Variants in PRELID2 observed in about 807,000 individuals in gnomAD.
PRELID2 encodes the protein PRELI domain containing 2, also known as PRELI domain-containing protein 2.
PRELID2 carries 25 observed loss-of-function variants against 28.4 expected under a neutral mutation model. The observed-to-expected ratio is 0.88, with a 90% CI of 0.64 to 1.23. The LOEUF (loss-of-function observed/expected upper bound fraction) is 1.23, where lower values mean the gene tolerates loss of function less well. Among genes scored for constraint, PRELID2 ranks in the 50% most tolerant of loss-of-function variants. PRELID2 has a pLI of 0.00. For synonymous variants in PRELID2, 76 were observed against 71.6 expected (o/e 1.06, Z -0.31); for missense variants, 201 against 214.4 (o/e 0.94, Z 0.39).
At chr5:145,258,491 C>A in the PRELID2 span, among the ~76,000 whole-genome samples, 1 of 152,120 alleles carries the variant, frequency 6.6e-6, no homozygotes, top group African/African-American at 2.4e-5. Context: ...TCACTTTTAT[C>A]ATGCCTTAGC....
intron 1 of PRELID2, among the ~76,000 whole-genome samples, chr5:145,526,901 T>C (rs1752609215): frequency 6.6e-6 from 1 of 152,236 alleles, no homozygotes; most frequent in Non-Finnish European, 1.5e-5. Flanking sequence ...ATAGTAATAG[T>C]TCATCAAAAG....
Position 145,524,875 on chromosome 5 carries a change from C to T in PRELID2, n.71-51560G>A, listed in dbSNP as rs778811343. ...CAAAACAGAAATAATACCTATCTCACGGGTTTACTGTGAGACTAAGTGTCA... is the reference window on the plus strand; with the variant it reads ...CAAAACAGAAATAATACCTATCTCATGGGTTTACTGTGAGACTAAGTGTCA... On this transcript the variant is annotated intron_variant and non_coding_transcript_variant, in intron 1 of 2. Transcript: ENST00000510259. Among the ~76,000 whole-genome samples, 17 of 152,190 alleles carry T rather than the reference C, an allele frequency of 1.1e-4. No individual in the cohort carries two copies. In the South Asian group the frequency reaches 1.2e-3, roughly 11 times the overall value.
intron 1 of PRELID2, among the ~76,000 whole-genome samples, chr5:145,619,814 G>C (rs781638754): frequency 6.6e-6 from 1 of 152,106 alleles, no homozygotes; most frequent in Non-Finnish European, 1.5e-5. Flanking sequence ...TAGGAAAATG[G>C]TCATAAAGCA....
chr5:145,657,762 A>G (rs1754422238), intron 1 of PRELID2, among the ~76,000 whole-genome samples: 1 of 152,162 alleles, frequency 6.6e-6, no homozygotes, highest in Non-Finnish European at 1.5e-5. Context: ...GGACTCCTCA[A>G]ATGTTGACTC....
rs12522722 is a variant in PRELID2 at position 145,547,881 on chromosome 5, T to C, written n.71-74566A>G. Among the ~76,000 whole-genome samples the C allele has an allele frequency of 0.044, 6,667 of 152,272 alleles. 741 individuals carry two copies. The East Asian group carries it at 0.49, about 11-fold the overall frequency. Reference sequence around the variant, plus strand: ...ATCTGCCAAATGCAATGTTCTTTTCTTTTTCAAGACCCTGGAAACATTTTC... The same window carrying C: ...ATCTGCCAAATGCAATGTTCTTTTCCTTTTCAAGACCCTGGAAACATTTTC... On this transcript the variant is annotated intron_variant and non_coding_transcript_variant, in intron 1 of 2. Transcript: ENST00000510259.
chr5:145,749,204 T>A (rs1757069191), intron 1 of PRELID2, among the ~76,000 whole-genome samples: 1 of 152,112 alleles, frequency 6.6e-6, no homozygotes, highest in African/African-American at 2.4e-5. Context: ...TGGGATAAAA[T>A]TTTTGAAATC....
intron 1 of PRELID2, among the ~76,000 whole-genome samples, chr5:145,585,170 C>T (rs13360440): frequency 0.11 from 16,599 of 152,066 alleles, 2,433 homozygotes; most frequent in African/African-American, 0.34. Flanking sequence ...TTATCCTCAG[C>T]AAACTAACAC....
chr5:145,740,752 A>G (rs1221913493), intron 1 of PRELID2, among the ~76,000 whole-genome samples: 1 of 117,774 alleles, frequency 8.5e-6, no homozygotes, highest in Non-Finnish European at 1.6e-5. Flanking sequence ...AATATATTAT[A>G]TATTTATGTA....
chr5:145,832,463 G>C (rs943512843), intron 1 of PRELID2, among the ~76,000 whole-genome samples: 2 of 152,170 alleles, frequency 1.3e-5, no homozygotes, highest in Non-Finnish European at 2.9e-5. Context: ...GGGATTACAG[G>C]AGTGAGCTGC....
the PRELID2 span, among the ~76,000 whole-genome samples, chr5:145,462,352 G>A: frequency 6.6e-6 from 1 of 152,168 alleles, no homozygotes; most frequent in South Asian, 2.1e-4. Flanking sequence ...TATGCATGGG[G>A]AATTCTGAAG....
chr5:145,659,569 A>G (rs955428879), intron 1 of PRELID2, among the ~76,000 whole-genome samples: 1 of 152,208 alleles, frequency 6.6e-6, no homozygotes, highest in Non-Finnish European at 1.5e-5. Flanking sequence ...GGACTCTCCT[A>G]GCTTAGAATG....
the PRELID2 span, among the ~76,000 whole-genome samples, chr5:145,253,433 T>C: frequency 3.9e-5 from 6 of 152,164 alleles, no homozygotes; most frequent in African/African-American, 1.2e-4. Context: ...GTGATATTCC[T>C]AGAGGCCATA....
chr5:145,704,957 C>A (rs1755504841), intron 1 of PRELID2, among the ~76,000 whole-genome samples: 1 of 152,186 alleles, frequency 6.6e-6, no homozygotes. Context: ...AGAAGCCCAG[C>A]TGAGCCCAGG....
the PRELID2 span, chr5:145,229,628 A>T: frequency 9.9e-7 from 1 of 1,010,510 alleles, no homozygotes; most frequent in South Asian, 1.3e-5. Context: ...ATCGTGGAGA[A>T]CATCTTCACC....
In PRELID2 at chr5:145,744,859, A is replaced by G. The variant is rs188519865; in HGVS notation, n.70+20072T>C. On this transcript the variant is annotated intron_variant and non_coding_transcript_variant, in intron 1 of 2. Coordinates refer to the PRELID2 transcript ENST00000510259. The stretch of plus-strand genomic sequence containing the variant: ...AGGGTGCATAATTGGACAGGGGATG[A>G]GATGGAAGAATTGACAGAAGTAGGT... Among the ~76,000 whole-genome samples, 11 of 152,246 alleles carry G rather than the reference A, an allele frequency of 7.2e-5. No individual in the cohort carries two copies. In the East Asian group the frequency reaches 2.1e-3, roughly 29 times the overall value.
chr5:145,352,718 A>C, the PRELID2 span, among the ~76,000 whole-genome samples: 2 of 152,134 alleles, frequency 1.3e-5, no homozygotes, highest in Non-Finnish European at 2.9e-5. Flanking sequence ...CAAATTTTCC[A>C]AACTTTTATG....
In PRELID2 at chr5:145,582,349, G is replaced by A. The variant is rs115292221; in HGVS notation, n.71-109034C>T. 3.3e-3 allele frequency among the ~76,000 whole-genome samples: 502 copies of A among 152,078 alleles called. 1 individual carries two copies. Among genetic ancestry groups the A allele is most frequent in the African/African-American group, 0.011 (470 of 41,502 alleles). The stretch of plus-strand genomic sequence containing the variant: ...AAAAGCAAGGCACATCTTACACAGC[G>A]GCAGGAGAGACAGAGAGCAAACAGG... On this transcript the variant is annotated intron_variant and non_coding_transcript_variant, in intron 1 of 2. Transcript: ENST00000510259.
chr5:145,638,434 A>AT (rs1208538901), intron 1 of PRELID2, among the ~76,000 whole-genome samples: 29 of 151,560 alleles, frequency 1.9e-4, no homozygotes, highest in African/African-American at 7.1e-4. Context: ...CCTTTGTTTA[A>AT]TTTTTTCCAA....
intron 1 of PRELID2, among the ~76,000 whole-genome samples, chr5:145,581,577 A>G (rs949789389): frequency 8.6e-5 from 13 of 152,032 alleles, no homozygotes; most frequent in Non-Finnish European, 1.6e-4. Flanking sequence ...TTCTGAGTTG[A>G]TGCATTGTTA....
Sources: gnomAD v4.1 joint callset for allele counts (sites outside exome capture counted in the v4.1 genomes callset) on GRCh38, gnomAD v4.1.1 for gene constraint, MANE v1.5 for transcripts, NCBI Gene and HGNC (gene_info 2026-07-23, HGNC 2026-07-21) for gene names.